The following LHPP variants were observed in gnomAD, a reference collection of about 807,000 sequenced individuals.
LHPP encodes phospholysine phosphohistidine inorganic pyrophosphate phosphatase, also known as hLHPP.
LHPP carries 24 observed loss-of-function variants against 30.3 expected under a neutral mutation model. That is an observed-to-expected ratio of 0.79 (90% CI 0.57 to 1.11). The LOEUF is 1.11. Ranked by LOEUF, LHPP falls within the 50% of genes most tolerant of loss-of-function variation. The probability of loss-of-function intolerance (pLI) is 0.00; values close to 1 mark genes in which losing one functional copy is unlikely to be tolerated. For synonymous variants in LHPP, 150 were observed against 157.1 expected (o/e 0.95, Z 0.34); for missense variants, 356 against 367.2 (o/e 0.97, Z 0.25).
At chr10:124,589,759 G>A (rs895661836) in intron 6 of LHPP, among the ~76,000 whole-genome samples, 1 of 152,218 alleles carries the variant, frequency 6.6e-6, no homozygotes, top group African/African-American at 2.4e-5. Flanking sequence ...CGCATCTCTG[G>A]GGGTGAGGTC....
At chr10:124,608,392 ATT>A (rs1949123012) in intron 6 of LHPP, among the ~76,000 whole-genome samples, 1 of 151,972 alleles carries the variant, frequency 6.6e-6, no homozygotes, top group Non-Finnish European at 1.5e-5. Context: ...TGAGTTTTCC[ATT>A]TTAGCCACAA....
At chr10:124,572,693 G>A (rs1388201236) in intron 6 of LHPP, among the ~76,000 whole-genome samples, 7 of 147,490 alleles carry the variant, frequency 4.7e-5, no homozygotes, top group South Asian at 2.2e-4. Flanking sequence ...AAGGGAGGGA[G>A]GAAGGAAGGG....
intron 6 of LHPP, among the ~76,000 whole-genome samples, chr10:124,534,978 C>T (rs759054099): frequency 6.6e-5 from 10 of 152,202 alleles, no homozygotes; most frequent in Non-Finnish European, 1.0e-4. Context: ...CCTGGGTCCT[C>T]GGCGCCTATT....
chr10:124,506,917 G>GC, intron 5 of LHPP, among the ~76,000 whole-genome samples: 1 of 26,874 alleles, frequency 3.7e-5, no homozygotes, highest in Non-Finnish European at 7.9e-5. Context: ...TTCAGGTTGG[G>GC]GGGTAGACAG....
intron 5 of LHPP, among the ~76,000 whole-genome samples, chr10:124,506,987 AG>A (rs1173120051): frequency 7.6e-4 from 2 of 2,640 alleles, no homozygotes; most frequent in Non-Finnish European, 8.5e-4. Flanking sequence ...ATTTCAGGTG[AG>A]GGGGGTAGGG....
intron 6 of LHPP, among the ~76,000 whole-genome samples, chr10:124,558,094 G>A (rs1948333148): frequency 6.6e-6 from 1 of 152,160 alleles, no homozygotes; most frequent in Non-Finnish European, 1.5e-5. Flanking sequence ...GGGAGAAGCA[G>A]CCACGTGGCT....
chr10:124,595,678 A>G (rs1048501712), intron 6 of LHPP, among the ~76,000 whole-genome samples: 9 of 152,078 alleles, frequency 5.9e-5, no homozygotes, highest in African/African-American at 1.4e-4. Context: ...TCTGGTGTAG[A>G]TATCTCCCTT....
chr10:124,486,993 AGTC>A (rs1953349866), intron 2 of LHPP, among the ~76,000 whole-genome samples: 1 of 152,244 alleles, frequency 6.6e-6, no homozygotes, highest in African/African-American at 2.4e-5. Flanking sequence ...CCGTCACAGT[AGTC>A]TTTTGTGTAA....
intron 5 of LHPP, among the ~76,000 whole-genome samples, chr10:124,507,144 G>C (rs988707887): frequency 1.0e-4 from 9 of 87,880 alleles, no homozygotes; most frequent in Non-Finnish European, 1.4e-4. Context: ...GGGGGTTAGA[G>C]AGGATTTCAG....
intron 6 of LHPP, among the ~76,000 whole-genome samples, chr10:124,525,304 C>T (rs1954705283): frequency 6.6e-6 from 1 of 152,226 alleles, no homozygotes; most frequent in Non-Finnish European, 1.5e-5. Context: ...TTTTTGTCTC[C>T]TGGACACATG....
At chr10:124,477,776 C>T (rs1952998023) in intron 1 of LHPP, among the ~76,000 whole-genome samples, 2 of 152,188 alleles carry the variant, frequency 1.3e-5, no homozygotes, top group South Asian at 4.1e-4. Context: ...TCTCAAATTC[C>T]AGCCTCACTT....
At chr10:124,520,244 TA>T (rs1954576850) in intron 6 of LHPP, among the ~76,000 whole-genome samples, 1 of 151,720 alleles carries the variant, frequency 6.6e-6, no homozygotes, top group Non-Finnish European at 1.5e-5. Flanking sequence ...ACTCAGATAT[TA>T]AACCTAGTAC....
Position 124,484,309 on chromosome 10 carries a change from A to G in LHPP, c.296A>G (p.Tyr99Cys), listed in dbSNP as rs781766441. Residue 99 changes from tyrosine to cysteine, a missense_variant, in exon 2 of 7, where the codon TAC becomes TGC. By Grantham distance (194) the Tyr-to-Cys change is radical (BLOSUM62 -2). Transcript: ENST00000368842. ...QILKEQGLRP[Y>C]LLIHDGVRSE... Reference sequence around the variant, plus strand: ...CTGAAGGAGCAAGGCCTGCGACCATACCTGCTCATCCATGACGGTAGGCCT... The same window carrying G: ...CTGAAGGAGCAAGGCCTGCGACCATGCCTGCTCATCCATGACGGTAGGCCT... 6.2e-7 allele frequency: 1 copy of G among 1,613,074 alleles called. No homozygotes were observed. Among genetic ancestry groups the G allele is most frequent in the South Asian group, 1.1e-5 (1 of 91,048 alleles).
chr10:124,605,622 G>C (rs1949081291), intron 6 of LHPP: 1 of 152,368 alleles, frequency 6.6e-6, no homozygotes, highest in African/African-American at 2.4e-5. Flanking sequence ...GATGTCTGAA[G>C]AGCAGCAGCC....
At chr10:124,536,591 A>G (rs66554588) in intron 6 of LHPP, among the ~76,000 whole-genome samples, 48,252 of 152,022 alleles carry the variant, frequency 0.32, 7,751 homozygotes, top group South Asian at 0.42. Flanking sequence ...GCCAGAGAAG[A>G]ACCTCCCTGA....
At chr10:124,534,536 G>A (rs991568023) in intron 6 of LHPP, among the ~76,000 whole-genome samples, 1 of 152,220 alleles carries the variant, frequency 6.6e-6, no homozygotes, top group African/African-American at 2.4e-5. Context: ...TCAGACCCAC[G>A]ACCTAACCAT....
rs899997434 is a variant in LHPP, at chr10:124,517,054, T to C, written c.625-126T>C. Reference sequence around the variant, plus strand: ...TCAATACGATGACAATATTATCTTGTTTAATTTGTATGATGGTGGTTGTAA... The same window carrying C: ...TCAATACGATGACAATATTATCTTGCTTAATTTGTATGATGGTGGTTGTAA... On this transcript the variant is annotated intron_variant, in intron 5 of 6. Transcript: ENST00000368842. This position sits in a 1 kb window ranked among gnomAD's most constrained non-coding sequence, Gnocchi z 4.1. The C allele has an allele frequency of 6.4e-6, 4 of 621,518 alleles. No homozygotes were observed. Among genetic ancestry groups the C allele is most frequent in the Non-Finnish European group, 1.1e-5 (4 of 363,314 alleles). The allele number at this position is 621,518 out of a possible 1,614,324, so 38.5% of individuals were successfully genotyped here.
intron 6 of LHPP, among the ~76,000 whole-genome samples, chr10:124,604,755 C>T (rs1949070497): frequency 6.6e-6 from 1 of 152,392 alleles, no homozygotes. Context: ...CCTGAATTCA[C>T]TGGGCAGCCG....
rs558336150 is a variant in LHPP at position 124,544,769 on chromosome 10, G to A, written c.716+27498G>A. ...GCTGCCCCCGTCACGGGACCTCACA[G>A]TGTTAGATGAGATTGCAGATGCGAT... On this transcript the variant is annotated intron_variant, in intron 6 of 6. Coordinates refer to ENST00000368842, the MANE Select transcript of LHPP (RefSeq NM_022126.4). Among the ~76,000 whole-genome samples, 6 of 152,336 alleles carry A rather than the reference G, an allele frequency of 3.9e-5. No homozygotes were observed. In the South Asian group the frequency reaches 1.2e-3, roughly 32 times the overall value.
Sources: allele counts gnomAD v4.1 joint callset (sites outside exome capture counted in the v4.1 genomes callset), GRCh38; gene constraint gnomAD v4.1.1; non-coding constraint Gnocchi (gnomAD v3.1); transcripts MANE v1.5; gene names NCBI Gene and HGNC (gene_info 2026-07-23, HGNC 2026-07-21).